The following CNBD1 variants were observed in gnomAD, a reference collection of about 807,000 sequenced individuals.
The protein encoded by CNBD1 is cyclic nucleotide binding domain containing 1.
CNBD1 carries 71 observed loss-of-function variants against 54.4 expected under a neutral mutation model. The ratio of observed to expected loss-of-function variants is 1.30; its 90% CI spans 1.08 to 1.59. The LOEUF (loss-of-function observed/expected upper bound fraction) is 1.59, where lower values mean the gene tolerates loss of function less well. Ranked by LOEUF, CNBD1 falls within the 40% of genes most tolerant of loss-of-function variation. The probability of loss-of-function intolerance (pLI) is 0.00; values close to 1 mark genes in which losing one functional copy is unlikely to be tolerated. For synonymous variants in CNBD1, 182 were observed against 170.7 expected (o/e 1.07, Z -0.51); for missense variants, 659 against 518.0 (o/e 1.27, Z -2.64).
At chr8:87,210,184 T>C (rs967151800) in intron 5 of CNBD1, among the ~76,000 whole-genome samples, 1 of 152,196 alleles carries the variant, frequency 6.6e-6, no homozygotes, top group Non-Finnish European at 1.5e-5. Flanking sequence ...CAAGATATGG[T>C]CTGGCTATTT....
chr8:87,377,413 T>TC (rs1361828074), intron 10 of CNBD1, among the ~76,000 whole-genome samples: 1 of 151,758 alleles, frequency 6.6e-6, no homozygotes, highest in East Asian at 1.9e-4. Flanking sequence ...TTTGGTTTTT[T>TC]GTTCTTGCGA....
intron 4 of CNBD1, among the ~76,000 whole-genome samples, chr8:87,082,598 CTATT>C (rs1811019030): frequency 6.6e-6 from 1 of 151,912 alleles, no homozygotes; most frequent in Admixed American, 6.6e-5. Flanking sequence ...TATTTTTAAA[CTATT>C]TATGTCTTTA....
At chr8:87,063,369 C>A (rs1486853545) in intron 4 of CNBD1, among the ~76,000 whole-genome samples, 1 of 152,082 alleles carries the variant, frequency 6.6e-6, no homozygotes, top group Non-Finnish European at 1.5e-5. Context: ...GCCCCAGCAC[C>A]ATTTATTGAA....
Position 87,277,414 on chromosome 8 carries a change from C to T in CNBD1, c.772-7264C>T, listed in dbSNP as rs117853633. On this transcript the variant is annotated intron_variant, in intron 6 of 10. Transcript: ENST00000518476. ...TTTACCAATTTAAATCAGAACTCAT[C>T]CAAAGACATCTCCAGAGAAACACAC... 9.6e-3 allele frequency among the ~76,000 whole-genome samples: 1,459 copies of T among 151,796 alleles called. 8 individuals are homozygous for T. The highest frequency in any genetic ancestry group is 0.015 in the Non-Finnish European group (1,028 of 67,798).
rs73693060 is a variant in CNBD1, at chr8:87,147,311, C to A, written c.432-58682C>A. On this transcript the variant is annotated intron_variant, in intron 4 of 10. Coordinates refer to ENST00000518476, the MANE Select transcript of CNBD1 (RefSeq NM_173538.3). ...TAACATCCATGAGAGCAGCAGCAAC[C>A]TCATCACTATTTTTCACACAAGCCA... Among the ~76,000 whole-genome samples the A allele has an allele frequency of 4.8e-3, 723 of 152,206 alleles. 8 individuals are homozygous for A. The highest frequency in any genetic ancestry group is 0.017 in the African/African-American group (689 of 41,542).
At chr8:86,943,052 T>TA (rs34393468) in intron 4 of CNBD1, among the ~76,000 whole-genome samples, 12,749 of 146,308 alleles carry the variant, frequency 0.087, 576 homozygotes, top group Middle Eastern at 0.12. Context: ...TGACTAAAAT[T>TA]AAAAAAAAAA....
At chr8:87,372,576 A>G (rs541930138) in intron 10 of CNBD1, among the ~76,000 whole-genome samples, 1 of 152,050 alleles carries the variant, frequency 6.6e-6, no homozygotes, top group Non-Finnish European at 1.5e-5. Flanking sequence ...TGATAGGTAG[A>G]AAAGAGTCTA....
chr8:87,379,442 C>G (rs1811027350), intron 10 of CNBD1, among the ~76,000 whole-genome samples: 1 of 151,770 alleles, frequency 6.6e-6, no homozygotes, highest in Non-Finnish European at 1.5e-5. Flanking sequence ...TTTTCAGCAC[C>G]ACACCACACC....
In CNBD1 at chr8:87,241,395, C is replaced by G. The variant is rs942744649; in HGVS notation, c.771+4283C>G. On this transcript the variant is annotated intron_variant, in intron 6 of 10. Transcript: ENST00000518476. Reference sequence around the variant, plus strand: ...ACGTCATTCTCCTGCTTCAGCCTCCCCAGTAGCTGGGACTACAGGGGCCTG... The same window carrying G: ...ACGTCATTCTCCTGCTTCAGCCTCCGCAGTAGCTGGGACTACAGGGGCCTG... Among the ~76,000 whole-genome samples the G allele has an allele frequency of 7.9e-5, 12 of 151,708 alleles. No homozygotes were observed. In the East Asian group the frequency reaches 2.1e-3, roughly 27 times the overall value.
intron 4 of CNBD1, among the ~76,000 whole-genome samples, chr8:87,135,920 G>C (rs1341282036): frequency 6.6e-6 from 1 of 151,924 alleles, no homozygotes; most frequent in Non-Finnish European, 1.5e-5. Context: ...ACATAGCAAA[G>C]CAATTAACTA....
intron 3 of CNBD1, among the ~76,000 whole-genome samples, chr8:86,937,828 A>G (rs1050116115): frequency 6.6e-6 from 1 of 152,164 alleles, no homozygotes; most frequent in Non-Finnish European, 1.5e-5. Flanking sequence ...TGTCTTGGAG[A>G]GTAACATTTG....
At chr8:86,969,994 A>C (rs189942933) in intron 4 of CNBD1, among the ~76,000 whole-genome samples, 5 of 152,054 alleles carry the variant, frequency 3.3e-5, no homozygotes, top group Admixed American at 2.6e-4. Flanking sequence ...TGCTGATGGC[A>C]AATTCTTTCA....
At chr8:87,287,209 T>C (rs1057350513) in intron 8 of CNBD1, among the ~76,000 whole-genome samples, 2 of 152,158 alleles carry the variant, frequency 1.3e-5, no homozygotes, top group African/African-American at 4.8e-5. Context: ...TGCACGGATT[T>C]CCTGGATTAT....
intron 4 of CNBD1, among the ~76,000 whole-genome samples, chr8:87,010,152 T>C (rs1809184823): frequency 6.6e-6 from 1 of 152,200 alleles, no homozygotes; most frequent in Non-Finnish European, 1.5e-5. Flanking sequence ...CTTGTGGTCT[T>C]TCATTAGTTT....
chr8:87,164,901 T>C (rs1812929818), intron 4 of CNBD1, among the ~76,000 whole-genome samples: 2 of 151,904 alleles, frequency 1.3e-5, no homozygotes, highest in African/African-American at 4.8e-5. Context: ...TTTTACTTAA[T>C]GTATGCATTG....
Position 87,206,149 on chromosome 8 carries a change from A to T in CNBD1, c.577+11A>T. ...TGAAAGGCAGCACAGGTAATAGACT[A>T]ATGTGGGATAAATTTGGCGAGATAA... On this transcript the variant is annotated intron_variant, in intron 5 of 10. Transcript: ENST00000518476. 6.5e-7 allele frequency: 1 copy of T among 1,536,646 alleles called. No individual in the cohort carries two copies. The highest frequency in any genetic ancestry group is 8.8e-7 in the Non-Finnish European group (1 of 1,142,696).
intron 8 of CNBD1, among the ~76,000 whole-genome samples, chr8:87,349,291 A>G (rs924856187): frequency 6.6e-6 from 1 of 152,210 alleles, no homozygotes; most frequent in East Asian, 1.9e-4. Flanking sequence ...ATTAGGAACA[A>G]CAATCAGGGT....
At chr8:87,060,249 T>C (rs1810514504) in intron 4 of CNBD1, among the ~76,000 whole-genome samples, 1 of 152,176 alleles carries the variant, frequency 6.6e-6, no homozygotes, top group South Asian at 2.1e-4. Flanking sequence ...TCTTGATCTA[T>C]AGGAACTGGG....
At chr8:86,935,581 G>A (rs1341705679) in intron 3 of CNBD1, among the ~76,000 whole-genome samples, 4 of 152,050 alleles carry the variant, frequency 2.6e-5, no homozygotes, top group Non-Finnish European at 4.4e-5. Context: ...TGGGATCTGT[G>A]TTGAAGTCTT....
Sources: allele counts gnomAD v4.1 joint callset (sites outside exome capture counted in the v4.1 genomes callset), GRCh38; gene constraint gnomAD v4.1.1; transcripts MANE v1.5; gene names NCBI Gene and HGNC (gene_info 2026-07-23, HGNC 2026-07-21).